RERE: variants seen among roughly 807,000 people sequenced by gnomAD.
The protein encoded by RERE is arginine-glutamic acid dipeptide repeats, also known as arginine-glutamic acid dipeptide repeats protein.
RERE carries 40 observed loss-of-function variants against 146.1 expected under a neutral mutation model. The observed-to-expected ratio is 0.27, with a 90% CI of 0.21 to 0.36. The LOEUF (loss-of-function observed/expected upper bound fraction) is 0.36, where lower values mean the gene tolerates loss of function less well. Ranked by LOEUF, RERE falls within the 10% of genes least tolerant of loss-of-function variation. RERE has a pLI of 1.00. For missense variants in RERE, 1,933 were observed against 2,138.7 expected, an observed-to-expected ratio of 0.90 and a Z score of 1.90; for synonymous variants, 1,003 against 866.0, an observed-to-expected ratio of 1.16 and a Z score of -2.78.
At chr1:8,607,725 CTTTTTT>C (rs35349056) in intron 4 of RERE, among the ~76,000 whole-genome samples, 7 of 92,924 alleles carry the variant, frequency 7.5e-5, no homozygotes, top group Non-Finnish European at 1.2e-4. Flanking sequence ...CCATATCTGG[CTTTTTT>C]TTTTTTTTTT....
intron 7 of RERE, among the ~76,000 whole-genome samples, chr1:8,517,203 T>C (rs1053504432): frequency 2.2e-4 from 34 of 152,040 alleles, no homozygotes; most frequent in African/African-American, 7.7e-4. Flanking sequence ...AAAAGTCAAA[T>C]GAAGGGGGGG....
chr1:8,710,594 T>C (rs753708293), intron 1 of RERE, among the ~76,000 whole-genome samples: 10 of 152,148 alleles, frequency 6.6e-5, no homozygotes, highest in Non-Finnish European at 1.2e-4. Context: ...TCTCGGCTCA[T>C]TGCAAGCTCC....
intron 11 of RERE, among the ~76,000 whole-genome samples, chr1:8,457,046 CAG>C: frequency 6.6e-6 from 1 of 152,316 alleles, no homozygotes; most frequent in East Asian, 1.9e-4. Context: ...TATCACCTGG[CAG>C]AGTGTCAATG....
intron 10 of RERE, among the ~76,000 whole-genome samples, chr1:8,479,290 AT>A: frequency 6.6e-6 from 1 of 151,696 alleles, no homozygotes; most frequent in South Asian, 2.1e-4. Context: ...ATAATGAGCT[AT>A]TTTTTAAATT....
chr1:8,388,237 T>C (rs767604367), intron 12 of RERE, among the ~76,000 whole-genome samples: 43 of 152,034 alleles, frequency 2.8e-4, no homozygotes, highest in Non-Finnish European at 5.1e-4. Context: ...AGGGGGGTTA[T>C]AGCAGAATAC....
chr1:8,487,596 T>C (rs1304129817), intron 10 of RERE, among the ~76,000 whole-genome samples: 2 of 152,050 alleles, frequency 1.3e-5, no homozygotes, highest in Non-Finnish European at 2.9e-5. Flanking sequence ...CAACAAAAAC[T>C]GCATTGTACT....
rs144523303 is a variant in RERE, at chr1:8,477,222, G to A, written c.1105-11199C>T. On this transcript the variant is annotated intron_variant, in intron 10 of 22. Coordinates refer to ENST00000400908, the MANE Select transcript of RERE (RefSeq NM_001042681.2). ...ACAGAATAGTAGAAAGGGAGGGTGC[G>A]GAGGGTGTAGGCTGCTTGCCGGGGC... Among the ~76,000 whole-genome samples, 468 of 152,240 alleles carry A rather than the reference G, an allele frequency of 3.1e-3. 2 individuals are homozygous for A. The highest frequency in any genetic ancestry group is 0.01 in the African/African-American group (426 of 41,530).
chr1:8,786,977 A>T, intron 1 of RERE: 1 of 622,614 alleles, frequency 1.6e-6, no homozygotes, highest in Non-Finnish European at 2.8e-6. Flanking sequence ...TTCACACAGC[A>T]GCCAAAGTGA....
At chr1:8,422,440 A>G (rs946025831) in intron 12 of RERE, among the ~76,000 whole-genome samples, 1 of 152,190 alleles carries the variant, frequency 6.6e-6, no homozygotes, top group Non-Finnish European at 1.5e-5. Context: ...CTCTCCAACA[A>G]TCCTTCCCCC....
intron 4 of RERE, among the ~76,000 whole-genome samples, chr1:8,572,604 A>C (rs1334059529): frequency 6.6e-6 from 1 of 152,228 alleles, no homozygotes; most frequent in African/African-American, 2.4e-5. Flanking sequence ...CTTTCCTCAA[A>C]CTATATAAGG....
chr1:8,514,937 C>T (rs564039899), intron 7 of RERE, among the ~76,000 whole-genome samples: 1 of 152,314 alleles, frequency 6.6e-6, no homozygotes, highest in Admixed American at 6.5e-5. Flanking sequence ...GCTAACATTT[C>T]AGCACTTACT....
intron 10 of RERE, among the ~76,000 whole-genome samples, chr1:8,479,310 A>T (rs572197679): frequency 1.0e-3 from 153 of 151,800 alleles, no homozygotes; most frequent in Non-Finnish European, 1.4e-3. Context: ...TTTTTTTTAA[A>T]TTTTTTTTAA....
intron 11 of RERE, chr1:8,425,054 A>C (rs1643990753): frequency 6.6e-6 from 1 of 152,418 alleles, no homozygotes; most frequent in Admixed American, 6.5e-5. Flanking sequence ...GCTTTCCATG[A>C]AAAGACTGGA....
intron 10 of RERE, among the ~76,000 whole-genome samples, chr1:8,467,026 C>T (rs2124130864): frequency 6.6e-6 from 1 of 152,304 alleles, no homozygotes; most frequent in African/African-American, 2.4e-5. Context: ...CAAAGATTGG[C>T]TTTGTCTAAG....
chr1:8,623,343 C>T (rs1437777214), intron 3 of RERE, among the ~76,000 whole-genome samples: 1 of 151,996 alleles, frequency 6.6e-6, no homozygotes, highest in African/African-American at 2.4e-5. Flanking sequence ...CCCAGCTACT[C>T]GGGAGGCTGA....
chr1:8,633,137 T>A (rs1242238793), intron 2 of RERE, among the ~76,000 whole-genome samples: 1 of 152,190 alleles, frequency 6.6e-6, no homozygotes, highest in East Asian at 1.9e-4. Context: ...AATTTACTTA[T>A]GGCCAAGCTT....
At chr1:8,666,185 C>T (rs1638569833) in intron 1 of RERE, among the ~76,000 whole-genome samples, 1 of 152,238 alleles carries the variant, frequency 6.6e-6, no homozygotes, top group African/African-American at 2.4e-5. Flanking sequence ...GAACATTCAT[C>T]TTATCTGGCA....
At chr1:8,549,233 C>T (rs1020242810) in intron 6 of RERE, among the ~76,000 whole-genome samples, 5 of 151,974 alleles carry the variant, frequency 3.3e-5, no homozygotes, top group Non-Finnish European at 5.9e-5. Context: ...CTAATTCCAG[C>T]GCTGGAAGTT....
At chr1:8,714,313 T>C (rs1356306736) in intron 1 of RERE, among the ~76,000 whole-genome samples, 1 of 152,228 alleles carries the variant, frequency 6.6e-6, no homozygotes, top group East Asian at 1.9e-4. Context: ...ATCATTCAAG[T>C]AACAACTCAT....
Sources: allele counts gnomAD v4.1 joint callset (sites outside exome capture counted in the v4.1 genomes callset), GRCh38; gene constraint gnomAD v4.1.1; transcripts MANE v1.5; gene names NCBI Gene and HGNC (gene_info 2026-07-23, HGNC 2026-07-21).